ADAT1: variants seen among roughly 807,000 people sequenced by gnomAD.
The protein encoded by ADAT1 is tRNA-specific adenosine deaminase 1.
A neutral mutation model predicts 58.6 loss-of-function variants in ADAT1; 58 were observed. The ratio of observed to expected loss-of-function variants is 0.99; its 90% CI spans 0.80 to 1.23. The LOEUF is 1.23. Ranked by LOEUF, ADAT1 falls within the 50% of genes most tolerant of loss-of-function variation. The pLI is 0.00. For missense variants in ADAT1, 741 were observed against 608.6 expected (o/e 1.22, Z -2.29); for synonymous variants, 254 against 220.8 (o/e 1.15, Z -1.33).
At chr16:75,621,769 G>A (rs901162755) in intron 1 of ADAT1, among the ~76,000 whole-genome samples, 5 of 152,176 alleles carry the variant, frequency 3.3e-5, no homozygotes, top group African/African-American at 1.2e-4. Context: ...AGGATACTTT[G>A]CAGGGAAATC....
chr16:75,618,690 GT>G lies in ADAT1; in HGVS notation c.239-51del, dbSNP rs771994317. 6.4e-5 allele frequency: 102 copies of G among 1,603,868 alleles called. No homozygotes were observed. In the Middle Eastern group the frequency reaches 1.7e-3, roughly 26 times the overall value. ...TGAAGACATATGGAAGCTGGAGAGG[GT>G]CTGGTTCCTAGAAGCAGAACACAGC... On this transcript the variant is annotated intron_variant, in intron 3 of 9. Coordinates refer to ENST00000564657, the MANE Select transcript of ADAT1 (RefSeq NM_001324445.2).
chr16:75,609,732 G>C (rs1385122063), intron 6 of ADAT1, among the ~76,000 whole-genome samples: 1 of 151,936 alleles, frequency 6.6e-6, no homozygotes, highest in African/African-American at 2.4e-5. Flanking sequence ...TTTTGAGATA[G>C]GGTCTCTGTT....
intron 3 of ADAT1, 91 bp from the exon 4 acceptor site, chr16:75,618,731 C>T (rs1451696881): frequency 6.8e-7 from 1 of 1,471,992 alleles, no homozygotes; most frequent in Admixed American, 2.1e-5. Flanking sequence ...CCACCAGCAC[C>T]CAGGATGGTC....
At chr16:75,614,158 C>A (rs981018314) in intron 5 of ADAT1, among the ~76,000 whole-genome samples, 2 of 151,998 alleles carry the variant, frequency 1.3e-5, no homozygotes, top group African/African-American at 4.8e-5. Context: ...CCACTGCACT[C>A]CAGCCTGGGT....
Position 75,612,702 on chromosome 16 carries a change from T to G in ADAT1, c.584A>C (p.Lys195Thr), listed in dbSNP as rs1454688540. 3 of 1,613,940 alleles carry G rather than the reference T, an allele frequency of 1.9e-6. No homozygotes were observed. The East Asian group carries it at 6.7e-5, about 36-fold the overall frequency. The change falls in exon 6 of 10, where the codon AAA (lysine) becomes ACA (threonine). Residue 195 changes from lysine (K) to threonine (T), a missense_variant. Lys to Thr is a moderately conservative substitution (Grantham distance 78, BLOSUM62 -1). Coordinates refer to ENST00000564657, the MANE Select transcript of ADAT1 (RefSeq NM_001324445.2). ...AGTCCCAGGCTCAAGCCTCATCTTT[T>G]TGGTTACAGGACTGTCAGGGTCTTC... ...KCEDPDSPVT[K>T]KMRLEPGTAA...
At chr16:75,605,728 G>C (rs988280116) in intron 8 of ADAT1, among the ~76,000 whole-genome samples, 1 of 151,788 alleles carries the variant, frequency 6.6e-6, no homozygotes, top group Non-Finnish European at 1.5e-5. Flanking sequence ...CTGAGGTCAG[G>C]AGTTCAAGAC....
chr16:75,620,304 C>T lies in ADAT1; in HGVS notation c.200G>A (p.Gly67Glu). ...VTKEVVSMGT[G>E]TKCIGQSKMR... ...TTTGGACTGTCCTATGCATTTTGTT[C>T]CTGTTCCCATTGACACAACTTCCTT... is the stretch of plus-strand genomic sequence containing the variant. Residue 67 changes from glycine to glutamate, a missense_variant, in exon 3 of 10, where the codon GGA (glycine) becomes GAA (glutamate). Coordinates refer to ENST00000564657, the MANE Select transcript of ADAT1 (RefSeq NM_001324445.2). 6.2e-7 allele frequency: 1 copy of T among 1,614,154 alleles called. No individual in the cohort carries two copies.
chr16:75,604,869 G>T (rs1256300511), intron 8 of ADAT1, among the ~76,000 whole-genome samples: 1 of 152,112 alleles, frequency 6.6e-6, no homozygotes, highest in East Asian at 1.9e-4. Context: ...CAGAAGGCTG[G>T]AAAGAAACAC....
chr16:75,600,201 G>A lies in ADAT1; in HGVS notation c.*15C>T, dbSNP rs1451319365. Reference sequence around the variant, plus strand: ...CAGGATGAAGGGTCCTGCTACCAGAGCAAACATTTCCTTCTCACTTGAACT... The same window carrying A: ...CAGGATGAAGGGTCCTGCTACCAGAACAAACATTTCCTTCTCACTTGAACT... On this transcript the variant is annotated 3_prime_UTR_variant, in exon 10 of 10. Transcript: ENST00000564657. 4 of 1,613,956 alleles carry A rather than the reference G, an allele frequency of 2.5e-6. No homozygotes were observed. The South Asian group carries it at 4.4e-5, about 18-fold the overall frequency.
chr16:75,604,474 TACACACACACACACACAC>T lies in ADAT1; in HGVS notation c.1290-1321_1290-1304del, dbSNP rs373687206. ...AAAAAAAAATATATATATATATATA[TACACACACACACACACAC>T]ACACACACACACACACACACACACA... On this transcript the variant is annotated intron_variant, in intron 8 of 9. Coordinates refer to ENST00000564657, the MANE Select transcript of ADAT1 (RefSeq NM_001324445.2). 7.6e-4 allele frequency among the ~76,000 whole-genome samples: 41 copies of T among 54,008 alleles called. 1 individual carries two copies. In the South Asian group the frequency reaches 0.021, roughly 28 times the overall value. The allele number at this position is 54,008 out of a possible 152,430, so 35.4% of individuals were successfully genotyped here. A position where few individuals can be genotyped will look rare whatever the true frequency, so the allele number is the denominator to read the frequency against.
In ADAT1 at chr16:75,599,759, G is replaced by A. The variant is rs1035374026; in HGVS notation, c.*457C>T. On this transcript the variant is annotated 3_prime_UTR_variant, in exon 10 of 10. Transcript: ENST00000564657. The stretch of plus-strand genomic sequence containing the variant: ...TGAGGCACAGAGCAGGATCACTGAA[G>A]AATGGGAAAAGAATGGCTCCCTGAA... 2.0e-6 allele frequency: 2 copies of A among 992,750 alleles called. No homozygotes were observed. The highest frequency in any genetic ancestry group is 3.5e-5 in the African/African-American group (2 of 57,294). 61.5% of individuals were successfully genotyped at this position (992,750 alleles called of 1,614,324 possible).
At position 75,601,055 on chromosome 16, in the gene ADAT1, T is replaced by C. The variant is rs2081216552; in HGVS notation, c.1377-707A>G. Reference sequence around the variant, plus strand: ...GTCTACTTTTTTGGTTTAAAAGTTTTCTAGGCCAGGCATGGTGGCTCACAC... The same window carrying C: ...GTCTACTTTTTTGGTTTAAAAGTTTCCTAGGCCAGGCATGGTGGCTCACAC... On this transcript the variant is annotated intron_variant, in intron 9 of 9. Coordinates refer to ENST00000564657, the MANE Select transcript of ADAT1 (RefSeq NM_001324445.2). Among the ~76,000 whole-genome samples, 3 of 152,078 alleles carry C rather than the reference T, an allele frequency of 2.0e-5. 1 individual carries two copies. The South Asian group carries it at 6.2e-4, about 32-fold the overall frequency.
Position 75,600,362 on chromosome 16 carries a change from G to C in ADAT1, c.1377-14C>G. ...AGCTTCTGCACCCTAATGCACACAG[G>C]CCACCAAATACACAGGTTCTCATTG... On this transcript the variant is annotated splice_polypyrimidine_tract_variant and intron_variant, in intron 9 of 9. Transcript: ENST00000564657. The C allele has an allele frequency of 1.2e-6, 2 of 1,612,676 alleles. No individual in the cohort carries two copies. Among genetic ancestry groups the C allele is most frequent in the Non-Finnish European group, 1.7e-6 (2 of 1,179,746 alleles).
At position 75,617,245 on chromosome 16, in the gene ADAT1, T is replaced by C. The variant is rs1322083040; in HGVS notation, c.321A>G (p.Ala107=). Residue 107 remains alanine, a synonymous_variant, in exon 5 of 10, where the codon GCA becomes GCG. Coordinates refer to ENST00000564657, the MANE Select transcript of ADAT1 (RefSeq NM_001324445.2). The stretch of plus-strand genomic sequence containing the variant: ...AGATGCTATCCTCTTTCAGGGTGGC[T>C]GCCAACTGGAGTTGGTGGAGAAGGT... ...QRYLLHQLQL[A]ATLKEDSIFV... is the part of the protein sequence containing the mutation. The C allele has an allele frequency of 6.2e-7, 1 of 1,613,582 alleles. No individual in the cohort carries two copies. Among genetic ancestry groups the C allele is most frequent in the African/African-American group, 1.3e-5 (1 of 74,938 alleles).
rs1175584780 is a variant in ADAT1, at chr16:75,598,160, T to G, written c.*2056A>C. 1 of 221,738 alleles carries G rather than the reference T, an allele frequency of 4.5e-6. No homozygotes were observed. Among genetic ancestry groups the G allele is most frequent in the Non-Finnish European group, 9.5e-6 (1 of 104,972 alleles). 13.7% of individuals were successfully genotyped at this position (221,738 alleles called of 1,614,324 possible). A position where few individuals can be genotyped will look rare whatever the true frequency, so the allele number is the denominator to read the frequency against. ...GGCACGATCCTGGCTCACTGCAACCTCCACCTCCTGGGTTTGAGAGATTCT... is the reference window on the plus strand; with the variant it reads ...GGCACGATCCTGGCTCACTGCAACCGCCACCTCCTGGGTTTGAGAGATTCT... On this transcript the variant is annotated 3_prime_UTR_variant, in exon 10 of 10. Transcript: ENST00000564657.
intron 6 of ADAT1, among the ~76,000 whole-genome samples, chr16:75,610,536 A>G (rs1020921020): frequency 2.0e-5 from 3 of 152,164 alleles, no homozygotes; most frequent in Non-Finnish European, 4.4e-5. Context: ...GACTCAAGCA[A>G]TCTGCGTGAC....
In ADAT1 at chr16:75,612,193, G is replaced by T. The variant is rs1263280239; in HGVS notation, c.1043+50C>A. On this transcript the variant is annotated intron_variant, in intron 6 of 9. Coordinates refer to ENST00000564657, the MANE Select transcript of ADAT1 (RefSeq NM_001324445.2). ...TTAATGCTCTTAGGCCTTACCCTCA[G>T]ACTGCCTCTTGGAATGACTGTTCCA... 3.8e-6 allele frequency: 6 copies of T among 1,582,892 alleles called. No individual in the cohort carries two copies. The South Asian group carries it at 4.6e-5, about 12-fold the overall frequency.
At chr16:75,601,381 C>G (rs1409659497) in intron 9 of ADAT1, among the ~76,000 whole-genome samples, 1 of 151,966 alleles carries the variant, frequency 6.6e-6, no homozygotes, top group Non-Finnish European at 1.5e-5. Flanking sequence ...TATCAAAACC[C>G]TACTACAAAC....
chr16:75,623,005 C>T lies in ADAT1; in HGVS notation c.-624G>A, dbSNP rs1038782581. ...AGGCACTGAAGCCATGCAGTGAGAACAGCGTGAGCGCCTGATCCATTGGGT... is the reference window on the plus strand; with the variant it reads ...AGGCACTGAAGCCATGCAGTGAGAATAGCGTGAGCGCCTGATCCATTGGGT... On this transcript the variant is annotated 5_prime_UTR_variant, in exon 1 of 10. Transcript: ENST00000564657. The T allele has an allele frequency of 4.6e-5, 7 of 152,310 alleles. No individual in the cohort carries two copies. Among genetic ancestry groups the T allele is most frequent in the African/African-American group, 1.4e-4 (6 of 41,468 alleles). The allele number at this position is 152,310 out of a possible 1,614,324, so 9.4% of individuals were successfully genotyped here. A position where few individuals can be genotyped will look rare whatever the true frequency, so the allele number is the denominator to read the frequency against.
Sources: gnomAD v4.1 joint callset for allele counts (sites outside exome capture counted in the v4.1 genomes callset) on GRCh38, gnomAD v4.1.1 for gene constraint, MANE v1.5 for transcripts, NCBI Gene and HGNC (gene_info 2026-07-23, HGNC 2026-07-21) for gene names.